Variants in PPP1R9A observed in about 807,000 individuals in gnomAD.
The protein encoded by PPP1R9A is neurabin-1.
In PPP1R9A, 59 loss-of-function variants were observed where a neutral mutation model predicts 141.9. The observed-to-expected ratio is 0.42, with a 90% CI of 0.34 to 0.52. PPP1R9A has a LOEUF of 0.52. PPP1R9A is among the 20% of genes least tolerant of loss of function. PPP1R9A has a pLI of 0.10. For synonymous variants in PPP1R9A, 500 were observed against 569.7 expected (o/e 0.88, Z 1.74); for missense variants, 1,444 against 1,611.9 (o/e 0.90, Z 1.78).
chr7:94,989,656 C>T (rs1801261901), intron 2 of PPP1R9A, among the ~76,000 whole-genome samples: 1 of 152,068 alleles, frequency 6.6e-6, no homozygotes, highest in Non-Finnish European at 1.5e-5. Context: ...TTTTACCAAA[C>T]TCCTCAGGTG....
intron 2 of PPP1R9A, among the ~76,000 whole-genome samples, chr7:95,108,307 CTTTTTTTTTTTTT>C (rs1166103728): frequency 5.7e-4 from 34 of 59,618 alleles, no homozygotes; most frequent in Admixed American, 1.8e-3. Flanking sequence ...CGTTTCTTTT[CTTTTTTTTTTTTT>C]TTTTTTTTTT....
chr7:95,250,329 T>C, intron 10 of PPP1R9A, 74 bp downstream of exon 10: 1 of 1,287,086 alleles, frequency 7.8e-7, no homozygotes, highest in Non-Finnish European at 1.1e-6. Context: ...TTTTGTAATA[T>C]CTAGTGGAAC....
chr7:94,942,898 T>C (rs544372733), intron 2 of PPP1R9A, among the ~76,000 whole-genome samples: 3 of 151,966 alleles, frequency 2.0e-5, no homozygotes, highest in Non-Finnish European at 4.4e-5. Flanking sequence ...GATCATTTCT[T>C]TAGGTGAATA....
rs115575224 is a variant in PPP1R9A, at chr7:95,067,597, T to C, written c.1396-43662T>C. Among the ~76,000 whole-genome samples, 385 of 151,810 alleles carry C rather than the reference T, an allele frequency of 2.5e-3. 4 individuals carry two copies. Among genetic ancestry groups the C allele is most frequent in the African/African-American group, 8.8e-3 (363 of 41,066 alleles). On this transcript the variant is annotated intron_variant, in intron 2 of 19. Transcript: ENST00000433360. ...GAAGTAGCTCAGGTATAAACAACTT[T>C]TATGATAATAATAACACAGTCATCC...
Position 95,269,232 on chromosome 7 carries a change from T to C in PPP1R9A, c.2849T>C (p.Met950Thr). 8 of 1,549,706 alleles carry C rather than the reference T, an allele frequency of 5.2e-6. No individual in the cohort carries two copies. The highest frequency in any genetic ancestry group is 6.2e-6 in the Non-Finnish European group (7 of 1,135,610). The change falls in exon 14 of 20, where the codon ATG becomes ACG. Residue 950 changes from methionine (M) to threonine (T), a missense_variant. By Grantham distance (81) the Met-to-Thr change is moderately conservative (BLOSUM62 -1). Coordinates refer to ENST00000433360, the MANE Select transcript of PPP1R9A (RefSeq NM_001166160.2). ...RKPSNSFYNH[M>T]HITKLLPPKG... ...CCATCAAACAGTTTCTATAACCACA[T>C]GCATATTACCAAATTACTTCCACCT...
At chr7:95,253,068 CTG>C (rs538130677) in intron 12 of PPP1R9A, among the ~76,000 whole-genome samples, 7 of 152,182 alleles carry the variant, frequency 4.6e-5, no homozygotes, top group African/African-American at 7.2e-5. Flanking sequence ...ACATGAATGA[CTG>C]TTTTAATATC....
chr7:95,272,022 C>G (rs1802260406), intron 14 of PPP1R9A, among the ~76,000 whole-genome samples: 2 of 152,154 alleles, frequency 1.3e-5, no homozygotes, highest in Non-Finnish European at 2.9e-5. Flanking sequence ...CCTGGGAACG[C>G]ACTTTGGCAA....
chr7:95,176,185 T>C (rs1183851688), intron 5 of PPP1R9A, among the ~76,000 whole-genome samples: 1 of 152,094 alleles, frequency 6.6e-6, no homozygotes, highest in Admixed American at 6.6e-5. Context: ...CAGGACTCTG[T>C]GCACACAACC....
At chr7:94,911,754 C>A (rs867935668) in intron 2 of PPP1R9A, among the ~76,000 whole-genome samples, 11 of 152,036 alleles carry the variant, frequency 7.2e-5, no homozygotes, top group Middle Eastern at 6.8e-3. Context: ...TGAAGAAGTT[C>A]GGGAATTGTG....
intron 2 of PPP1R9A, among the ~76,000 whole-genome samples, chr7:95,063,004 G>A (rs1812450417): frequency 1.3e-5 from 2 of 152,126 alleles, no homozygotes; most frequent in South Asian, 2.1e-4. Context: ...GTGTTGTGAT[G>A]AAGCAGAGCT....
At chr7:95,102,386 A>G (rs1394134305) in intron 2 of PPP1R9A, among the ~76,000 whole-genome samples, 1 of 152,206 alleles carries the variant, frequency 6.6e-6, no homozygotes, top group Admixed American at 6.5e-5. Context: ...AAGACTTGTC[A>G]TCAGAGACAC....
chr7:95,259,793 C>T (rs960056519), intron 12 of PPP1R9A, among the ~76,000 whole-genome samples: 1 of 152,112 alleles, frequency 6.6e-6, no homozygotes, highest in Non-Finnish European at 1.5e-5. Flanking sequence ...AGGAGAGTCT[C>T]ATACAAGAGC....
chr7:95,253,023 TACAC>T (rs1799106392), intron 12 of PPP1R9A, among the ~76,000 whole-genome samples: 1 of 152,238 alleles, frequency 6.6e-6, no homozygotes, highest in African/African-American at 2.4e-5. Flanking sequence ...CTTATGTTCT[TACAC>T]ACACAACATT....
At chr7:95,029,585 A>G (rs1584353362) in intron 2 of PPP1R9A, among the ~76,000 whole-genome samples, 1 of 152,340 alleles carries the variant, frequency 6.6e-6, no homozygotes, top group Non-Finnish European at 1.5e-5. Flanking sequence ...ACAGAAGACA[A>G]CTTGTGTGTT....
intron 5 of PPP1R9A, among the ~76,000 whole-genome samples, chr7:95,174,111 T>C (rs1202818203): frequency 6.6e-6 from 1 of 152,088 alleles, no homozygotes; most frequent in Non-Finnish European, 1.5e-5. Flanking sequence ...TGGAAACAAC[T>C]CAAGTGTTCT....
intron 4 of PPP1R9A, among the ~76,000 whole-genome samples, chr7:95,127,313 C>T (rs1823729282): frequency 6.6e-6 from 1 of 152,002 alleles, no homozygotes; most frequent in African/African-American, 2.4e-5. Flanking sequence ...CTTTGTCCCC[C>T]TTAATGTTTT....
chr7:95,213,372 G>T (rs1792563578), intron 7 of PPP1R9A, among the ~76,000 whole-genome samples: 1 of 139,138 alleles, frequency 7.2e-6, no homozygotes. Context: ...CTAGACTACA[G>T]CACATTGATG....
At chr7:95,101,468 A>G (rs1005221896) in intron 2 of PPP1R9A, among the ~76,000 whole-genome samples, 5 of 152,176 alleles carry the variant, frequency 3.3e-5, no homozygotes, top group Admixed American at 6.5e-5. Flanking sequence ...GTCCATTTCC[A>G]TCATACGTAC....
chr7:95,226,071 C>G lies in PPP1R9A; in HGVS notation c.2067C>G (p.Ser689=). 6.2e-7 allele frequency: 1 copy of G among 1,613,406 alleles called. No individual in the cohort carries two copies. The highest frequency in any genetic ancestry group is 8.5e-7 in the Non-Finnish European group (1 of 1,179,582). Residue 689 remains serine (S), a synonymous_variant, in exon 8 of 20, where the codon TCC becomes TCG. Transcript: ENST00000433360. ...TGCCTGAGAATGAGGACATGTTTTCCCCATCAGAACTGGACACAAGCAAGC... is the reference window on the plus strand; with the variant it reads ...TGCCTGAGAATGAGGACATGTTTTCGCCATCAGAACTGGACACAAGCAAGC... ...FELPENEDMF[S]PSELDTSKLS... is the part of the protein sequence containing the mutation.
Sources: gnomAD v4.1 joint callset for allele counts (sites outside exome capture counted in the v4.1 genomes callset) on GRCh38, gnomAD v4.1.1 for gene constraint, MANE v1.5 for transcripts, NCBI Gene and HGNC (gene_info 2026-07-23, HGNC 2026-07-21) for gene names.